Variants in ADAMTS19 observed in about 807,000 individuals in gnomAD.
The protein encoded by ADAMTS19 is ADAM metallopeptidase with thrombospondin type 1 motif 19.
A neutral mutation model predicts 153.3 loss-of-function variants in ADAMTS19; 93 were observed. The observed-to-expected ratio is 0.61, with a 90% CI of 0.51 to 0.72. The LOEUF (loss-of-function observed/expected upper bound fraction) is 0.72. Ranked by LOEUF, ADAMTS19 falls within the 30% of genes least tolerant of loss-of-function variation. The probability of loss-of-function intolerance (pLI) is 0.00; values close to 1 mark genes in which losing one functional copy is unlikely to be tolerated. For missense variants in ADAMTS19, 1,482 were observed against 1,552.1 expected (o/e 0.95, Z 0.76); for synonymous variants, 600 against 556.6 (o/e 1.08, Z -1.10).
At chr5:129,634,321 A>G (rs1022081253) in intron 10 of ADAMTS19, among the ~76,000 whole-genome samples, 12 of 152,206 alleles carry the variant, frequency 7.9e-5, no homozygotes, top group African/African-American at 2.9e-4. Context: ...ATGCTTATGT[A>G]TAGGAAGAAT....
At chr5:129,663,906 T>C (rs1753925818) in intron 15 of ADAMTS19, among the ~76,000 whole-genome samples, 1 of 152,232 alleles carries the variant, frequency 6.6e-6, no homozygotes, top group Non-Finnish European at 1.5e-5. Context: ...CCACACCACA[T>C]ATCCCTTACT....
Position 129,471,196 on chromosome 5 carries a change from A to G in ADAMTS19, c.747+9439A>G, listed in dbSNP as rs184232164. On this transcript the variant is annotated intron_variant, in intron 2 of 22. Coordinates refer to ENST00000274487, the MANE Select transcript of ADAMTS19 (RefSeq NM_133638.6). ...AATGACAAACCTAAAATATGAAGTT[A>G]AAAAGAATCTAAGATAAAAATAAGC... Among the ~76,000 whole-genome samples, 17 of 152,196 alleles carry G rather than the reference A, an allele frequency of 1.1e-4. No individual in the cohort carries two copies. The East Asian group carries it at 1.9e-3, about 17-fold the overall frequency.
intron 10 of ADAMTS19, among the ~76,000 whole-genome samples, chr5:129,640,545 C>T (rs1581174817): frequency 6.6e-6 from 1 of 152,230 alleles, no homozygotes; most frequent in East Asian, 1.9e-4. Flanking sequence ...ATTATCTTAT[C>T]AATCTGCTGC....
chr5:129,630,799 C>A (rs1752251648), intron 10 of ADAMTS19, among the ~76,000 whole-genome samples: 2 of 151,830 alleles, frequency 1.3e-5, no homozygotes, highest in African/African-American at 4.8e-5. Context: ...AGGTAAGCCA[C>A]AGAATGGGTG....
At chr5:129,680,854 G>T (rs1182553075) in intron 17 of ADAMTS19, among the ~76,000 whole-genome samples, 1 of 152,084 alleles carries the variant, frequency 6.6e-6, no homozygotes, top group Non-Finnish European at 1.5e-5. Flanking sequence ...CCAGGCTGGT[G>T]GCAGGTCCAT....
At chr5:129,573,050 A>G (rs1405106027) in intron 7 of ADAMTS19, among the ~76,000 whole-genome samples, 1 of 152,074 alleles carries the variant, frequency 6.6e-6, no homozygotes, top group African/African-American at 2.4e-5. Flanking sequence ...TACCTAATCT[A>G]TAGGGCCTAC....
At chr5:129,642,189 G>GTTTTTT (rs1365950968) in intron 11 of ADAMTS19, among the ~76,000 whole-genome samples, 3 of 151,600 alleles carry the variant, frequency 2.0e-5, no homozygotes, top group Non-Finnish European at 4.4e-5. Context: ...TATTTTATTT[G>GTTTTTT]TTGTGAGAAT....
Position 129,609,275 on chromosome 5 carries a change from T to G in ADAMTS19, c.1479-11343T>G, listed in dbSNP as rs41415647. ...AATGAATGAGCTTTGGATAAATCAA[T>G]CTGTCTGTATTCATTTCCTTTATTC... On this transcript the variant is annotated intron_variant, in intron 8 of 22. Coordinates refer to ENST00000274487, the MANE Select transcript of ADAMTS19 (RefSeq NM_133638.6). Among the ~76,000 whole-genome samples the G allele has an allele frequency of 7.7e-3, 1,168 of 152,308 alleles. 14 individuals are homozygous for G. The highest frequency in any genetic ancestry group is 0.027 in the African/African-American group (1,120 of 41,572).
At chr5:129,622,821 A>G (rs1219880851) in intron 10 of ADAMTS19, among the ~76,000 whole-genome samples, 1 of 152,170 alleles carries the variant, frequency 6.6e-6, no homozygotes, top group Non-Finnish European at 1.5e-5. Context: ...TTACTTACAG[A>G]ACTTGATACA....
chr5:129,548,927 C>G (rs1019883368), intron 6 of ADAMTS19, among the ~76,000 whole-genome samples: 4 of 146,734 alleles, frequency 2.7e-5, no homozygotes, highest in African/African-American at 5.0e-5. Context: ...ATCGCAAGGA[C>G]AAAAAACCAA....
Position 129,461,754 on chromosome 5 carries a change from C to G in ADAMTS19, c.744C>G (p.Gly248=), listed in dbSNP as rs767092570. The G allele has an allele frequency of 2.0e-6, 3 of 1,491,106 alleles. No individual in the cohort carries two copies. The African/African-American group carries it at 4.3e-5, about 21-fold the overall frequency. 92.4% of individuals were successfully genotyped at this position (1,491,106 alleles called of 1,614,324 possible). A position where few individuals can be genotyped will look rare whatever the true frequency, so the allele number is the denominator to read the frequency against. The part of the protein sequence containing the change: ...SLASFSTCGG[G]LMGFIQLNED... ...CTTCTTTCAGCACCTGTGGAGGTGG[C>G]CTGGTAAGCGCCTTCTTTCCCTAGC... is the stretch of plus-strand genomic sequence containing the variant. Residue 248 remains glycine (G), a synonymous_variant, in exon 2 of 23, where the codon GGC becomes GGG. Transcript: ENST00000274487. This position sits in a 1 kb window ranked among gnomAD's most constrained non-coding sequence, Gnocchi z 4.6.
chr5:129,522,933 G>A (rs1225583925), intron 3 of ADAMTS19, among the ~76,000 whole-genome samples: 1 of 151,938 alleles, frequency 6.6e-6, no homozygotes, highest in Non-Finnish European at 1.5e-5. Context: ...GTGCATGCCT[G>A]TAATCCCAGC....
At chr5:129,706,339 G>A (rs1443003256) in intron 21 of ADAMTS19, among the ~76,000 whole-genome samples, 1 of 152,170 alleles carries the variant, frequency 6.6e-6, no homozygotes, top group African/African-American at 2.4e-5. Flanking sequence ...GGAGGCCAAG[G>A]CAGGTGGATC....
chr5:129,641,669 C>T (rs1246043610), intron 10 of ADAMTS19, among the ~76,000 whole-genome samples, 190 bp from the exon 11 acceptor site: 2 of 151,950 alleles, frequency 1.3e-5, no homozygotes, highest in African/African-American at 4.8e-5. Flanking sequence ...CATTATGTAT[C>T]AATCTTCCCA....
intron 21 of ADAMTS19, among the ~76,000 whole-genome samples, chr5:129,724,348 C>T (rs79734514): frequency 0.024 from 3,608 of 152,180 alleles, 141 homozygotes; most frequent in African/African-American, 0.08. Flanking sequence ...TCTTTTTTAA[C>T]GTTAATGCTG....
chr5:129,684,443 A>G (rs1237329088), intron 18 of ADAMTS19, among the ~76,000 whole-genome samples, 170 bp downstream of exon 18: 1 of 152,234 alleles, frequency 6.6e-6, no homozygotes, highest in Non-Finnish European at 1.5e-5. Context: ...TGAAATACTT[A>G]GAATGGAAGA....
intron 3 of ADAMTS19, among the ~76,000 whole-genome samples, chr5:129,523,592 T>G (rs1299034995): frequency 6.6e-6 from 1 of 152,134 alleles, no homozygotes; most frequent in Admixed American, 6.5e-5. Flanking sequence ...AAGTTACACC[T>G]CAATAAAGCT....
Position 129,734,998 on chromosome 5 carries a change from A to C in ADAMTS19, c.3379A>C (p.Arg1127=). ...VIQCMHKITG[R]HGNECFSSEK... ...CCAATGCATGCATAAGATCACAGGA[A>C]GACATGGAAATGAATGTTTTTCCTC... The change falls in exon 22 of 23, where the codon AGA becomes CGA. Residue 1127 remains arginine (R), a synonymous_variant. Transcript: ENST00000274487. 8 of 1,612,370 alleles carry C rather than the reference A, an allele frequency of 5.0e-6. No homozygotes were observed. Among genetic ancestry groups the C allele is most frequent in the Non-Finnish European group, 6.8e-6 (8 of 1,178,980 alleles).
At chr5:129,593,899 A>C (rs1045930247) in intron 7 of ADAMTS19, among the ~76,000 whole-genome samples, 4 of 152,116 alleles carry the variant, frequency 2.6e-5, no homozygotes, top group African/African-American at 9.7e-5. Flanking sequence ...TGGCTGTTCT[A>C]ATCTTTGAAT....
Sources: allele counts gnomAD v4.1 joint callset (sites outside exome capture counted in the v4.1 genomes callset), GRCh38; gene constraint gnomAD v4.1.1; non-coding constraint Gnocchi (gnomAD v3.1); transcripts MANE v1.5; gene names NCBI Gene and HGNC (gene_info 2026-07-23, HGNC 2026-07-21).